Variants in WDPCP observed in about 807,000 individuals in gnomAD.
WDPCP encodes WD repeat-containing and planar cell polarity effector protein fritz homolog.
In WDPCP, 71 loss-of-function variants were observed where a neutral mutation model predicts 93.1. The ratio of observed to expected loss-of-function variants is 0.76; its 90% CI spans 0.63 to 0.93. The LOEUF is 0.93. Among genes scored for constraint, WDPCP ranks in the 40% least tolerant of loss-of-function variants. WDPCP has a pLI of 0.00. For missense variants in WDPCP, 844 were observed against 887.4 expected (o/e 0.95, Z 0.62); for synonymous variants, 315 against 315.0 (o/e 1.00, Z 0.00).
chr2:63,588,933 C>T (rs558695188), upstream of WDPCP: 7 of 1,505,448 alleles, frequency 4.6e-6, no homozygotes, highest in South Asian at 1.1e-5. Context: ...GGAGCGGAGC[C>T]TTTTCTCGCT....
At chr2:63,660,609 C>T (rs1045369187) in intron 2 of WDPCP, among the ~76,000 whole-genome samples, 1 of 152,084 alleles carries the variant, frequency 6.6e-6, no homozygotes, top group African/African-American at 2.4e-5. Flanking sequence ...ATGCATGTAC[C>T]CCCCTGTATC....
At chr2:63,573,837 G>C (rs1163350625) in intron 1 of WDPCP, among the ~76,000 whole-genome samples, 1 of 152,340 alleles carries the variant, frequency 6.6e-6, no homozygotes, top group African/African-American at 2.4e-5. Context: ...CTGAGAAAGA[G>C]AATGCGTCCC....
intron 3 of WDPCP, among the ~76,000 whole-genome samples, chr2:63,609,034 T>C (rs952949966): frequency 6.6e-6 from 1 of 152,194 alleles, no homozygotes; most frequent in Non-Finnish European, 1.5e-5. Flanking sequence ...GACTGGAATT[T>C]GGCAAGCCAC....
intron 2 of WDPCP, among the ~76,000 whole-genome samples, chr2:63,677,683 ACC>A (rs1710440864): frequency 1.3e-5 from 2 of 152,208 alleles, no homozygotes; most frequent in Admixed American, 6.5e-5. Context: ...GAAAATTACT[ACC>A]GACCTAGAAT....
chr2:63,386,637 G>A (rs1250771941), intron 10 of WDPCP, among the ~76,000 whole-genome samples: 1 of 152,022 alleles, frequency 6.6e-6, no homozygotes, highest in African/African-American at 2.4e-5. Context: ...TTCTAAAGTT[G>A]AACAAACACT....
At chr2:63,461,406 T>A (rs1698998537) in intron 6 of WDPCP, among the ~76,000 whole-genome samples, 1 of 152,132 alleles carries the variant, frequency 6.6e-6, no homozygotes, top group African/African-American at 2.4e-5. Flanking sequence ...AGATGCTGGC[T>A]TCCCCCTTTG....
At chr2:63,251,510 G>GAGAC (rs1680721274) in intron 14 of WDPCP, among the ~76,000 whole-genome samples, 1 of 22,406 alleles carries the variant, frequency 4.5e-5, no homozygotes, top group African/African-American at 2.1e-4. Flanking sequence ...TTTTTTTTTT[G>GAGAC]AGACAGAGTC....
intron 13 of WDPCP, among the ~76,000 whole-genome samples, chr2:63,310,367 C>A (rs1264426529): frequency 6.6e-6 from 1 of 152,112 alleles, no homozygotes; most frequent in East Asian, 1.9e-4. Context: ...AAAGAACCCA[C>A]CTCTTTGTTT....
chr2:63,295,461 T>C (rs1355294091), intron 13 of WDPCP, among the ~76,000 whole-genome samples: 1 of 151,826 alleles, frequency 6.6e-6, no homozygotes, highest in Middle Eastern at 3.2e-3. Context: ...TCCATGCAAA[T>C]AGTAACCAAA....
At chr2:63,298,732 A>C (rs148411404) in intron 13 of WDPCP, among the ~76,000 whole-genome samples, 2 of 152,154 alleles carry the variant, frequency 1.3e-5, no homozygotes, top group African/African-American at 4.8e-5. Context: ...CAGCCATTAC[A>C]TAGAGGCAAA....
chr2:63,485,345 A>G (rs903246008), intron 4 of WDPCP, among the ~76,000 whole-genome samples: 4 of 149,618 alleles, frequency 2.7e-5, no homozygotes, highest in African/African-American at 9.9e-5. Context: ...AAATTCTACA[A>G]GTAACCTACT....
At chr2:63,144,293 T>C (rs1671314225) in intron 17 of WDPCP, among the ~76,000 whole-genome samples, 1 of 148,950 alleles carries the variant, frequency 6.7e-6, no homozygotes, top group Non-Finnish European at 1.5e-5. Flanking sequence ...TATTTTATTT[T>C]ATTTTGAGAC....
intron 9 of WDPCP, among the ~76,000 whole-genome samples, chr2:63,431,135 T>C (rs927442753): frequency 7.2e-6 from 1 of 139,290 alleles, no homozygotes; most frequent in Non-Finnish European, 1.5e-5. Flanking sequence ...TGGTCTGTTA[T>C]GTAAAAAAGA....
chr2:63,238,635 A>C (rs1679607574), intron 14 of WDPCP, among the ~76,000 whole-genome samples: 1 of 152,150 alleles, frequency 6.6e-6, no homozygotes, highest in Non-Finnish European at 1.5e-5. Context: ...TCATTGCTAC[A>C]CAGGTTTAAA....
chr2:63,701,923 T>A (rs973205500), intron 2 of WDPCP, among the ~76,000 whole-genome samples: 1 of 152,222 alleles, frequency 6.6e-6, no homozygotes, highest in East Asian at 1.9e-4. Context: ...AAATAAAACC[T>A]AGTGTTTCAT....
chr2:63,529,199 C>A (rs1175983630), intron 1 of WDPCP, among the ~76,000 whole-genome samples: 5 of 152,074 alleles, frequency 3.3e-5, no homozygotes, highest in African/African-American at 4.8e-5. Flanking sequence ...AATTGAATAC[C>A]CTTTATTTCC....
At chr2:63,603,023 G>A (rs536231900) in intron 3 of WDPCP, among the ~76,000 whole-genome samples, 5 of 147,780 alleles carry the variant, frequency 3.4e-5, no homozygotes, top group Admixed American at 6.9e-5. Context: ...GCAATGGCAC[G>A]ATCTCGGCTC....
rs1000635404 is a variant in WDPCP at position 63,190,663 on chromosome 2, A to G, written c.1916-15831T>C. ...TTTAAATCTGATAGTCTTAGATTAC[A>G]GCTATAATATGTGATTATATTTTTG... On this transcript the variant is annotated intron_variant, in intron 14 of 17. Transcript: ENST00000272321. 6.6e-5 allele frequency among the ~76,000 whole-genome samples: 10 copies of G among 152,290 alleles called. No individual in the cohort carries two copies. The East Asian group carries it at 1.9e-3, about 29-fold the overall frequency.
intron 10 of WDPCP, among the ~76,000 whole-genome samples, chr2:63,398,212 G>A (rs977002924): frequency 1.3e-5 from 2 of 152,154 alleles, no homozygotes; most frequent in Non-Finnish European, 2.9e-5. Flanking sequence ...GAGGAATAGG[G>A]AGCTGATAAT....
Sources: allele counts gnomAD v4.1 joint callset (sites outside exome capture counted in the v4.1 genomes callset), GRCh38; gene constraint gnomAD v4.1.1; transcripts MANE v1.5; gene names NCBI Gene and HGNC (gene_info 2026-07-23, HGNC 2026-07-21).